Variants in SOD3 observed in about 807,000 individuals in gnomAD.
SOD3 encodes the protein superoxide dismutase 3, also known as extracellular superoxide dismutase [Cu-Zn].
Under a neutral mutation model 2.6 loss-of-function variants are expected in SOD3, and 3 were observed. The observed-to-expected ratio is 1.13, with a 90% CI of 0.52 to 2.93. The LOEUF (loss-of-function observed/expected upper bound fraction) is 2.93. Among genes scored for constraint, SOD3 ranks in the 30% most tolerant of loss-of-function variants. The pLI is 0.04. For missense variants in SOD3, 379 were observed against 370.4 expected (o/e 1.02, Z -0.19); for synonymous variants, 188 against 177.5 (o/e 1.06, Z -0.47).
At chr4:24,796,552 G>C (rs1713669821) in intron 1 of SOD3, among the ~76,000 whole-genome samples, 1 of 146,026 alleles carries the variant, frequency 6.8e-6, no homozygotes, top group African/African-American at 2.5e-5. Flanking sequence ...TACCTCCCGG[G>C]CTCAAGCGAT....
intron 1 of SOD3, among the ~76,000 whole-genome samples, chr4:24,799,054 G>A (rs1713751930): frequency 6.6e-6 from 1 of 152,210 alleles, no homozygotes; most frequent in South Asian, 2.1e-4. Flanking sequence ...AGGCACTTCA[G>A]GGAGAAGGCG....
chr4:24,799,419 G>A (rs1224383748), intron 1 of SOD3, 87 bp from the exon 2 acceptor site: 13 of 1,462,226 alleles, frequency 8.9e-6, no homozygotes, highest in Admixed American at 2.3e-5. Flanking sequence ...CTGGGGGGTT[G>A]GTTCTGCGAT....
Position 24,796,435 on chromosome 4 carries a change from C to CTTTTTTTTTT in SOD3, c.-17+801_-17+810dup, listed in dbSNP as rs34368349. On this transcript the variant is annotated intron_variant, in intron 1 of 1. Coordinates refer to ENST00000382120, the MANE Select transcript of SOD3 (RefSeq NM_003102.4). Reference sequence around the variant, plus strand: ...TTTTCCTCCTCCTCCTCCTTCTTCTCTTTTTTTTTTTTTTTTTTTTTTTTT... The same window carrying CTTTTTTTTTT: ...TTTTCCTCCTCCTCCTCCTTCTTCTCTTTTTTTTTTTTTTTTTTTTTTTTTTTTTTTTTTT... 1.2e-3 allele frequency among the ~76,000 whole-genome samples: 86 copies of CTTTTTTTTTT among 71,978 alleles called. 14 individuals are homozygous for CTTTTTTTTTT. In the East Asian group the frequency reaches 0.025, roughly 21 times the overall value. The allele number at this position is 71,978 out of a possible 152,430, so 47.2% of individuals were successfully genotyped here. A position where few individuals can be genotyped will look rare whatever the true frequency, so the allele number is the denominator to read the frequency against.
At position 24,800,454 on chromosome 4, in the gene SOD3, C is replaced by A; in HGVS notation, c.*210C>A. 1 of 429,720 alleles carries A rather than the reference C, an allele frequency of 2.3e-6. No homozygotes were observed. The highest frequency in any genetic ancestry group is 4.1e-6 in the Non-Finnish European group (1 of 243,640). The allele number at this position is 429,720 out of a possible 1,614,324, so 26.6% of individuals were successfully genotyped here. ...GACCGCCCCAACCCTCGGAGCCCCC[C>A]ACTCAGTAGGTCTGAAGGCCTCCAT... On this transcript the variant is annotated 3_prime_UTR_variant, in exon 2 of 2. Coordinates refer to ENST00000382120, the MANE Select transcript of SOD3 (RefSeq NM_003102.4).
chr4:24,800,049 G>C lies in SOD3; in HGVS notation c.528G>C (p.Arg176=), dbSNP rs1417502746. 1.7e-5 allele frequency: 25 copies of C among 1,470,142 alleles called. No individual in the cohort carries two copies. Among genetic ancestry groups the C allele is most frequent in the African/African-American group, 3.0e-5 (2 of 67,542 alleles). 91.1% of individuals were successfully genotyped at this position (1,470,142 alleles called of 1,614,324 possible). ...SLAGPHSIVG[R]AVVVHAGEDD... ...CGGGCCCGCACTCCATCGTGGGCCG[G>C]GCCGTGGTCGTCCACGCTGGCGAGG... The change falls in exon 2 of 2, where the codon CGG becomes CGC. Residue 176 remains arginine (R), a synonymous_variant. Coordinates refer to ENST00000382120, the MANE Select transcript of SOD3 (RefSeq NM_003102.4).
intron 1 of SOD3, among the ~76,000 whole-genome samples, chr4:24,798,245 G>A (rs1359645647): frequency 6.6e-6 from 1 of 152,006 alleles, no homozygotes; most frequent in East Asian, 1.9e-4. Context: ...GTTTCCGACT[G>A]TCTGCCCACC....
At chr4:24,795,697 T>A (rs17879909) in intron 1 of SOD3, 46 bp downstream of exon 1, 2 of 152,296 alleles carry the variant, frequency 1.3e-5, no homozygotes, top group Non-Finnish European at 2.9e-5. Flanking sequence ...GGAGTGTGCT[T>A]ATTGAGTCTG....
rs144089452 is a variant in SOD3, at chr4:24,799,604, A to C, written c.83A>C (p.Asn28Thr). Reference protein sequence around the residue: ...AWTGEDSAEPNSDSAEWIRDM... With the variant: ...AWTGEDSAEPTSDSAEWIRDM... ...ACGGGCGAGGACTCGGCGGAGCCCA[A>C]CTCTGACTCGGCGGAGTGGATCCGA... The change falls in exon 2 of 2, where the codon AAC becomes ACC. Residue 28 changes from asparagine to threonine, a missense_variant. Physicochemically the swap from Asn to Thr is moderately conservative, Grantham distance 65. Coordinates refer to ENST00000382120, the MANE Select transcript of SOD3 (RefSeq NM_003102.4). The C allele has an allele frequency of 6.2e-7, 1 of 1,604,566 alleles. No individual in the cohort carries two copies. Among genetic ancestry groups the C allele is most frequent in the African/African-American group, 1.3e-5 (1 of 74,978 alleles).
At chr4:24,797,898 T>C (rs1490319024) in intron 1 of SOD3, among the ~76,000 whole-genome samples, 3 of 152,196 alleles carry the variant, frequency 2.0e-5, no homozygotes, top group Admixed American at 1.3e-4. Flanking sequence ...GGCCTTATTC[T>C]ACAGGTAAGG....
chr4:24,798,831 C>T (rs932040028), intron 1 of SOD3, among the ~76,000 whole-genome samples: 1 of 152,208 alleles, frequency 6.6e-6, no homozygotes, highest in African/African-American at 2.4e-5. Context: ...CTCCTCTGTC[C>T]TTCTCCAGCA....
chr4:24,800,436 C>T lies in SOD3; in HGVS notation c.*192C>T. On this transcript the variant is annotated 3_prime_UTR_variant, in exon 2 of 2. Transcript: ENST00000382120. ...CCATCCTTCCATCCTGAGGACCGCC[C>T]CAACCCTCGGAGCCCCCCACTCAGT... is the stretch of plus-strand genomic sequence containing the variant. The T allele has an allele frequency of 2.0e-6, 1 of 492,304 alleles. No individual in the cohort carries two copies. The highest frequency in any genetic ancestry group is 3.3e-6 in the Non-Finnish European group (1 of 299,410). 30.5% of individuals were successfully genotyped at this position (492,304 alleles called of 1,614,324 possible).
intron 1 of SOD3, among the ~76,000 whole-genome samples, chr4:24,798,390 C>T (rs1713734116): frequency 6.6e-6 from 1 of 152,282 alleles, no homozygotes; most frequent in East Asian, 1.9e-4. Context: ...CCCTGGTCAT[C>T]TGCACTGTGC....
chr4:24,798,745 C>T (rs907789160), intron 1 of SOD3, among the ~76,000 whole-genome samples: 1 of 152,148 alleles, frequency 6.6e-6, no homozygotes, highest in Non-Finnish European at 1.5e-5. Context: ...AACTCCTACC[C>T]ATCTTGTGGA....
rs770682038 is a variant in SOD3 at position 24,799,650 on chromosome 4, G to A, written c.129G>A (p.Thr43=). The A allele has an allele frequency of 4.4e-6, 7 of 1,603,874 alleles. No homozygotes were observed. The Admixed American group carries it at 1.0e-4, about 23-fold the overall frequency. ...EWIRDMYAKV[T]EIWQEVMQRR... ...TCCGAGACATGTACGCCAAGGTCAC[G>A]GAGATCTGGCAGGAGGTCATGCAGC... is the stretch of plus-strand genomic sequence containing the variant. Residue 43 remains threonine, a synonymous_variant, in exon 2 of 2, where the codon ACG becomes ACA. Coordinates refer to ENST00000382120, the MANE Select transcript of SOD3 (RefSeq NM_003102.4).
At position 24,800,097 on chromosome 4, in the gene SOD3, C is replaced by G. The variant is rs1172589311; in HGVS notation, c.576C>G (p.Asn192Lys). 3 of 1,397,402 alleles carry G rather than the reference C, an allele frequency of 2.1e-6. No individual in the cohort carries two copies. The highest frequency in any genetic ancestry group is 2.8e-6 in the Non-Finnish European group (3 of 1,087,016). 86.6% of individuals were successfully genotyped at this position (1,397,402 alleles called of 1,614,324 possible). A position where few individuals can be genotyped will look rare whatever the true frequency, so the allele number is the denominator to read the frequency against. ...AGEDDLGRGGNQASVENGNAG... is the reference protein window; with the variant it reads ...AGEDDLGRGGKQASVENGNAG... ...AGGACGACCTGGGCCGCGGCGGCAA[C>G]CAGGCCAGCGTGGAGAACGGGAACG... Residue 192 changes from asparagine to lysine, a missense_variant, in exon 2 of 2, where the codon AAC (asparagine) becomes AAG (lysine). Physicochemically the swap from Asn to Lys is moderately conservative, Grantham distance 94. Coordinates refer to ENST00000382120, the MANE Select transcript of SOD3 (RefSeq NM_003102.4).
chr4:24,799,150 C>G (rs987512718), intron 1 of SOD3, among the ~76,000 whole-genome samples: 14 of 152,034 alleles, frequency 9.2e-5, no homozygotes, highest in Non-Finnish European at 1.5e-4. Flanking sequence ...AACAGGAGAC[C>G]AGGTGGGGAG....
chr4:24,799,759 G>C lies in SOD3; in HGVS notation c.238G>C (p.Gly80Arg). ...GGACGCCGCGCAGCCCCGGGTGACCGGCGTCGTCCTCTTCCGGCAGCTTGC... is the reference window on the plus strand; with the variant it reads ...GGACGCCGCGCAGCCCCGGGTGACCCGCGTCGTCCTCTTCCGGCAGCTTGC... ...TLDAAQPRVT[G>R]VVLFRQLAPR... The change falls in exon 2 of 2, where the codon GGC becomes CGC. Residue 80 changes from glycine to arginine, a missense_variant. By Grantham distance (125) the Gly-to-Arg change is moderately radical. Transcript: ENST00000382120. The C allele has an allele frequency of 2.6e-6, 4 of 1,565,482 alleles. No individual in the cohort carries two copies. The highest frequency in any genetic ancestry group is 3.4e-6 in the Non-Finnish European group (4 of 1,162,030).
At chr4:24,796,078 A>T (rs2109069110) in intron 1 of SOD3, among the ~76,000 whole-genome samples, 1 of 152,258 alleles carries the variant, frequency 6.6e-6, no homozygotes, top group South Asian at 2.1e-4. Context: ...CAGCTGAGGG[A>T]TGAAACACAC....
intron 1 of SOD3, among the ~76,000 whole-genome samples, chr4:24,798,744 C>G (rs1713744633): frequency 6.6e-6 from 1 of 152,128 alleles, no homozygotes; most frequent in Non-Finnish European, 1.5e-5. Flanking sequence ...AAACTCCTAC[C>G]CATCTTGTGG....
Sources: allele counts gnomAD v4.1 joint callset (sites outside exome capture counted in the v4.1 genomes callset), GRCh38; gene constraint gnomAD v4.1.1; transcripts MANE v1.5; gene names NCBI Gene and HGNC (gene_info 2026-07-23, HGNC 2026-07-21).